Variants in TTC27 observed in about 807,000 individuals in gnomAD.
The protein encoded by TTC27 is tetratricopeptide repeat domain 27, also known as tetratricopeptide repeat protein 27.
In TTC27, 79 loss-of-function variants were observed where a neutral mutation model predicts 115.9. The observed-to-expected ratio is 0.68, with a 90% CI of 0.57 to 0.82. The LOEUF (loss-of-function observed/expected upper bound fraction) is 0.82, where lower values mean the gene tolerates loss of function less well. Among genes scored for constraint, TTC27 ranks in the 40% least tolerant of loss-of-function variants. The probability of loss-of-function intolerance (pLI) is 0.00; values close to 1 mark genes in which losing one functional copy is unlikely to be tolerated. For missense variants in TTC27, 1,054 were observed against 993.1 expected, an observed-to-expected ratio of 1.06 and a Z score of -0.82; for synonymous variants, 401 against 356.0, an observed-to-expected ratio of 1.13 and a Z score of -1.42.
chr2:32,650,575 A>G (rs1665079618), intron 5 of TTC27, among the ~76,000 whole-genome samples: 1 of 151,892 alleles, frequency 6.6e-6, no homozygotes, highest in South Asian at 2.1e-4. Flanking sequence ...TTGGAAACAG[A>G]TGTACTCTCC....
At chr2:32,662,003 T>C (rs548858557) in intron 5 of TTC27, among the ~76,000 whole-genome samples, 18 of 152,330 alleles carry the variant, frequency 1.2e-4, no homozygotes, top group Non-Finnish European at 2.5e-4. Flanking sequence ...ACTGAAGGCC[T>C]TTTCTGCATC....
At chr2:32,776,043 A>G (rs1162971142) in intron 13 of TTC27, among the ~76,000 whole-genome samples, 1 of 152,198 alleles carries the variant, frequency 6.6e-6, no homozygotes, top group Non-Finnish European at 1.5e-5. Flanking sequence ...TCCATGATTC[A>G]AAAAAGTGAA....
chr2:32,703,957 A>C (rs1367359660), intron 10 of TTC27, among the ~76,000 whole-genome samples: 1 of 152,210 alleles, frequency 6.6e-6, no homozygotes, highest in Non-Finnish European at 1.5e-5. Flanking sequence ...CTCATTGTTC[A>C]TGGATGGCAC....
At position 32,812,627 on chromosome 2, in the gene TTC27, A is replaced by C; in HGVS notation, c.2308+12A>C. The C allele has an allele frequency of 6.4e-7, 1 of 1,574,492 alleles. No homozygotes were observed. Among genetic ancestry groups the C allele is most frequent in the South Asian group, 1.1e-5 (1 of 89,912 alleles). The stretch of plus-strand genomic sequence containing the variant: ...AGGACTTGCACATGGTATTTGATGT[A>C]ACATTTGATATCCATGGAATGTTTT... On this transcript the variant is annotated intron_variant, in intron 18 of 19. Transcript: ENST00000317907.
chr2:32,633,799 CTG>C, intron 2 of TTC27, 75 bp from the exon 3 acceptor site: 4 of 1,445,710 alleles, frequency 2.8e-6, no homozygotes, highest in Non-Finnish European at 3.8e-6. Context: ...CTTAATAAAA[CTG>C]AAATGGAATA....
chr2:32,720,500 A>G (rs1667887856), intron 10 of TTC27, among the ~76,000 whole-genome samples: 1 of 152,186 alleles, frequency 6.6e-6, no homozygotes, highest in South Asian at 2.1e-4. Flanking sequence ...TTTTTAGTGT[A>G]GTAACAAGCC....
At chr2:32,658,744 C>A (rs1665426246) in intron 5 of TTC27, among the ~76,000 whole-genome samples, 1 of 152,086 alleles carries the variant, frequency 6.6e-6, no homozygotes, top group Non-Finnish European at 1.5e-5. Context: ...GTTAGACACC[C>A]TTGTTACTTG....
chr2:32,653,363 C>T (rs114531877), intron 5 of TTC27, among the ~76,000 whole-genome samples: 2,961 of 152,076 alleles, frequency 0.019, 91 homozygotes, highest in African/African-American at 0.069. Flanking sequence ...GGGAGGCTGA[C>T]GCAGTGGATC....
At chr2:32,696,280 AT>A (rs1292134504) in intron 9 of TTC27, among the ~76,000 whole-genome samples, 3 of 123,672 alleles carry the variant, frequency 2.4e-5, no homozygotes, top group African/African-American at 8.1e-5. Flanking sequence ...ATTTTATTTT[AT>A]TTTATTTTAT....
At chr2:32,663,397 CCTCAGGACTT>C in intron 5 of TTC27, among the ~76,000 whole-genome samples, 1 of 152,192 alleles carries the variant, frequency 6.6e-6, no homozygotes, top group East Asian at 1.9e-4. Flanking sequence ...TGGCACAGTC[CCTCAGGACTT>C]CCCTTGGCTA....
At chr2:32,798,719 T>TA (rs1670813517) in intron 16 of TTC27, among the ~76,000 whole-genome samples, 2 of 131,826 alleles carry the variant, frequency 1.5e-5, no homozygotes, top group South Asian at 2.3e-4. Flanking sequence ...AAAAAAATAA[T>TA]AATAATAATA....
At chr2:32,653,955 T>C (rs1053549189) in intron 5 of TTC27, among the ~76,000 whole-genome samples, 5 of 152,228 alleles carry the variant, frequency 3.3e-5, no homozygotes, top group Non-Finnish European at 7.3e-5. Context: ...TGTTGACTCA[T>C]TGCTTTCCAC....
At chr2:32,753,320 C>T (rs1038823891) in intron 12 of TTC27, among the ~76,000 whole-genome samples, 1 of 151,910 alleles carries the variant, frequency 6.6e-6, no homozygotes, top group Non-Finnish European at 1.5e-5. Flanking sequence ...ACCATAGTCC[C>T]AAGCCCACCC....
At chr2:32,737,030 T>C (rs541332990) in intron 12 of TTC27, among the ~76,000 whole-genome samples, 7 of 152,320 alleles carry the variant, frequency 4.6e-5, no homozygotes, top group South Asian at 2.1e-4. Context: ...TTTGAAGACG[T>C]GGGATTTTGA....
In TTC27 at chr2:32,657,376, C is replaced by T. The variant is rs181467301; in HGVS notation, c.641-6927C>T. 7.8e-3 allele frequency among the ~76,000 whole-genome samples: 1,039 copies of T among 134,044 alleles called. 16 individuals are homozygous for T. Among genetic ancestry groups the T allele is most frequent in the African/African-American group, 0.027 (981 of 36,012 alleles). 87.9% of individuals were successfully genotyped at this position (134,044 alleles called of 152,430 possible). On this transcript the variant is annotated intron_variant, in intron 5 of 19. Coordinates refer to ENST00000317907, the MANE Select transcript of TTC27 (RefSeq NM_017735.5). ...TTCTTTTTTTTTTTTTTTTTTGAGA[C>T]GGAGTCTCTCTCTGTCGCCCAAGCT... is the stretch of plus-strand genomic sequence containing the variant.
chr2:32,728,738 C>T (rs768135643), intron 10 of TTC27, among the ~76,000 whole-genome samples: 2 of 152,104 alleles, frequency 1.3e-5, no homozygotes, highest in Non-Finnish European at 2.9e-5. Flanking sequence ...CAACAGTGTT[C>T]TATGTATGAG....
chr2:32,658,237 T>TCGTC (rs2151875025), intron 5 of TTC27, among the ~76,000 whole-genome samples: 1 of 152,298 alleles, frequency 6.6e-6, no homozygotes, highest in East Asian at 1.9e-4. Context: ...ATCCTCCCAC[T>TCGTC]TCGTCCTCTC....
intron 6 of TTC27, among the ~76,000 whole-genome samples, chr2:32,664,871 C>T (rs548553802): frequency 8.6e-4 from 128 of 149,532 alleles, no homozygotes; most frequent in Middle Eastern, 3.4e-3. Flanking sequence ...CTCGCTCTGT[C>T]GCCCAGGCTG....
chr2:32,683,891 C>G (rs1346965492), intron 9 of TTC27, among the ~76,000 whole-genome samples: 3 of 152,078 alleles, frequency 2.0e-5, no homozygotes, highest in South Asian at 4.1e-4. Flanking sequence ...TGGGGTAGCT[C>G]ATGCCTGTAA....
Sources: allele counts gnomAD v4.1 joint callset (sites outside exome capture counted in the v4.1 genomes callset), GRCh38; gene constraint gnomAD v4.1.1; transcripts MANE v1.5; gene names NCBI Gene and HGNC (gene_info 2026-07-23, HGNC 2026-07-21).